Variants in EDIL3 observed in about 807,000 individuals in gnomAD.
EDIL3 encodes EGF like and discoidin domains 3, also known as EGF-like repeat and discoidin I-like domain-containing protein 3.
EDIL3 carries 37 observed loss-of-function variants against 67.4 expected under a neutral mutation model. The ratio of observed to expected loss-of-function variants is 0.55; its 90% CI spans 0.42 to 0.72. EDIL3 has a LOEUF of 0.72. EDIL3 is among the 30% of genes least tolerant of loss of function. The pLI is 0.00. For missense variants in EDIL3, 527 were observed against 586.3 expected, an observed-to-expected ratio of 0.90 and a Z score of 1.04; for synonymous variants, 195 against 196.3, an observed-to-expected ratio of 0.99 and a Z score of 0.05.
At chr5:84,168,768 G>A (rs1217142041) in intron 4 of EDIL3, among the ~76,000 whole-genome samples, 1 of 152,172 alleles carries the variant, frequency 6.6e-6, no homozygotes, top group East Asian at 1.9e-4. Context: ...CCAGGTGGTT[G>A]CAAGGTTCCA....
intron 9 of EDIL3, among the ~76,000 whole-genome samples, chr5:83,993,075 T>C (rs150083096): frequency 6.6e-6 from 1 of 152,274 alleles, no homozygotes; most frequent in East Asian, 1.9e-4. Context: ...ATACGAAACA[T>C]TAGAATAAAT....
chr5:84,242,447 A>T (rs2112060365), intron 2 of EDIL3, among the ~76,000 whole-genome samples: 1 of 152,286 alleles, frequency 6.6e-6, no homozygotes, highest in East Asian at 1.9e-4. Context: ...TCAGATATTT[A>T]CACACTACAG....
chr5:84,017,438 C>T (rs566625400), intron 9 of EDIL3, among the ~76,000 whole-genome samples: 6 of 152,278 alleles, frequency 3.9e-5, no homozygotes, highest in African/African-American at 1.4e-4. Context: ...ATAACCTGAA[C>T]TTTGTTTATG....
chr5:84,003,296 G>A (rs1745362597), intron 9 of EDIL3, among the ~76,000 whole-genome samples: 1 of 152,076 alleles, frequency 6.6e-6, no homozygotes, highest in African/African-American at 2.4e-5. Context: ...GAGGGAAGTG[G>A]CAGGCCTCTG....
intron 1 of EDIL3, among the ~76,000 whole-genome samples, chr5:84,294,384 CAA>C (rs1173407354): frequency 4.5e-3 from 142 of 31,758 alleles, no homozygotes; most frequent in African/African-American, 0.013. Context: ...GACTCTGTCT[CAA>C]AAAAAAAAAA....
intron 9 of EDIL3, among the ~76,000 whole-genome samples, chr5:84,036,265 TG>T (rs1325522358): frequency 6.6e-6 from 1 of 152,202 alleles, no homozygotes; most frequent in African/African-American, 2.4e-5. Context: ...CTTCTCACTA[TG>T]AAGGATTATT....
chr5:84,189,883 C>T (rs970979411), intron 3 of EDIL3, among the ~76,000 whole-genome samples: 3 of 151,952 alleles, frequency 2.0e-5, no homozygotes, highest in Non-Finnish European at 4.4e-5. Context: ...AACAATGTTG[C>T]TGCTTGGTTT....
intron 1 of EDIL3, among the ~76,000 whole-genome samples, chr5:84,359,230 T>C (rs1044199249): frequency 2.0e-5 from 3 of 152,208 alleles, no homozygotes; most frequent in Non-Finnish European, 2.9e-5. Flanking sequence ...TATAGCATTG[T>C]CATAAATTGT....
chr5:84,058,722 ACAGGAATATTTTAAGCAAGGGGT>A lies in EDIL3; in HGVS notation c.1137+1555_1137+1577del, dbSNP rs1207149558. On this transcript the variant is annotated intron_variant, in intron 9 of 10. Coordinates refer to ENST00000296591, the MANE Select transcript of EDIL3 (RefSeq NM_005711.5). ...AAAATGGTGTAAGCTAAGTCAGATA[ACAGGAATATTTTAAGCAAGGGGT>A]AATATCTTAATGTCTTAAGCAACAG... 2.6e-5 allele frequency among the ~76,000 whole-genome samples: 4 copies of A among 152,294 alleles called. No individual in the cohort carries two copies. In the South Asian group the frequency reaches 8.3e-4, roughly 32 times the overall value.
rs143254886 is a variant in EDIL3 at position 84,128,350 on chromosome 5, G to A, written c.469+8891C>T. ...TTTTATCAGCAGTGTGATAAAAGCG[G>A]AAATCCCGGTGGTTTGTGCTATAAT... On this transcript the variant is annotated intron_variant, in intron 5 of 10. Coordinates refer to ENST00000296591, the MANE Select transcript of EDIL3 (RefSeq NM_005711.5). 3.3e-3 allele frequency among the ~76,000 whole-genome samples: 501 copies of A among 152,156 alleles called. 5 individuals are homozygous for A. Among genetic ancestry groups the A allele is most frequent in the African/African-American group, 0.012 (480 of 41,538 alleles).
At chr5:84,301,681 C>T (rs73144509) in intron 1 of EDIL3, among the ~76,000 whole-genome samples, 70 of 152,258 alleles carry the variant, frequency 4.6e-4, no homozygotes, top group African/African-American at 1.7e-3. Flanking sequence ...TGACTCATGA[C>T]TTTGGAAAGC....
chr5:84,179,685 C>G (rs775009604), intron 4 of EDIL3, among the ~76,000 whole-genome samples: 4 of 152,150 alleles, frequency 2.6e-5, no homozygotes, highest in Non-Finnish European at 5.9e-5. Flanking sequence ...GTCCCTCCTT[C>G]AAGACTCAGC....
chr5:84,213,471 T>C (rs55851132), intron 3 of EDIL3, among the ~76,000 whole-genome samples: 3,026 of 152,300 alleles, frequency 0.02, 116 homozygotes, highest in African/African-American at 0.069. Flanking sequence ...ACAAAAACCA[T>C]GGCCAATCTG....
At chr5:84,085,393 T>C (rs748391615) in intron 6 of EDIL3, among the ~76,000 whole-genome samples, 2 of 152,156 alleles carry the variant, frequency 1.3e-5, no homozygotes, top group Non-Finnish European at 1.5e-5. Flanking sequence ...GATGTTGTTG[T>C]TGTTGTTTTC....
At chr5:84,040,510 T>C (rs991984722) in intron 9 of EDIL3, among the ~76,000 whole-genome samples, 4 of 147,500 alleles carry the variant, frequency 2.7e-5, no homozygotes, top group African/African-American at 9.9e-5. Context: ...TATATAGATA[T>C]ATAATTATAT....
chr5:84,083,922 A>G (rs1295478901), intron 6 of EDIL3, among the ~76,000 whole-genome samples: 6 of 152,192 alleles, frequency 3.9e-5, no homozygotes, highest in Admixed American at 1.3e-4. Context: ...TGTTCTTTAT[A>G]TTAACCCTAA....
chr5:84,038,977 G>C (rs1379840175), intron 9 of EDIL3, among the ~76,000 whole-genome samples: 1 of 152,144 alleles, frequency 6.6e-6, no homozygotes, highest in Non-Finnish European at 1.5e-5. Context: ...CCTTTCAACA[G>C]CCCTCTGGAA....
At chr5:83,976,609 G>A (rs954391911) in intron 9 of EDIL3, among the ~76,000 whole-genome samples, 7 of 151,482 alleles carry the variant, frequency 4.6e-5, no homozygotes, top group Non-Finnish European at 5.9e-5. Flanking sequence ...AGATAATCAT[G>A]CAGGTTTCTT....
chr5:84,314,771 C>T (rs754788081), intron 1 of EDIL3, among the ~76,000 whole-genome samples: 3 of 152,016 alleles, frequency 2.0e-5, no homozygotes, highest in Non-Finnish European at 4.4e-5. Flanking sequence ...AGACAACAAA[C>T]GTTAAATTCC....
Sources: allele counts gnomAD v4.1 joint callset (sites outside exome capture counted in the v4.1 genomes callset), GRCh38; gene constraint gnomAD v4.1.1; transcripts MANE v1.5; gene names NCBI Gene and HGNC (gene_info 2026-07-23, HGNC 2026-07-21).